Variants in USP25 observed in about 807,000 individuals in gnomAD.
USP25 encodes ubiquitin carboxyl-terminal hydrolase 25.
A neutral mutation model predicts 158.5 loss-of-function variants in USP25; 85 were observed. The ratio of observed to expected loss-of-function variants is 0.54; its 90% CI spans 0.45 to 0.64. The LOEUF (loss-of-function observed/expected upper bound fraction) is 0.64. Among genes scored for constraint, USP25 ranks in the 30% least tolerant of loss-of-function variants. The pLI is 0.00. For missense variants in USP25, 1,242 were observed against 1,327.3 expected (o/e 0.94, Z 1.00); for synonymous variants, 464 against 460.4 (o/e 1.01, Z -0.10).
In USP25 at chr21:15,750,947, A is replaced by T. The variant is rs2032968768; in HGVS notation, c.46-11944A>T. 2.6e-5 allele frequency among the ~76,000 whole-genome samples: 4 copies of T among 152,124 alleles called. 1 individual carries two copies. In the South Asian group the frequency reaches 8.3e-4, roughly 32 times the overall value. On this transcript the variant is annotated intron_variant, in intron 1 of 25. Transcript: ENST00000400183. ...TTTTCTCTTAAAACTGTAGAATTATATTATTAATACACTGTTAGTATACAG... is the reference window on the plus strand; with the variant it reads ...TTTTCTCTTAAAACTGTAGAATTATTTTATTAATACACTGTTAGTATACAG...
chr21:15,747,487 T>G (rs1478508406), intron 1 of USP25, among the ~76,000 whole-genome samples: 1 of 151,874 alleles, frequency 6.6e-6, no homozygotes, highest in East Asian at 1.9e-4. Context: ...TACATATAGT[T>G]TTTTTCCTAT....
At chr21:15,752,257 C>G (rs2033074955) in intron 1 of USP25, among the ~76,000 whole-genome samples, 2 of 150,588 alleles carry the variant, frequency 1.3e-5, no homozygotes, top group South Asian at 4.2e-4. Context: ...TCGCTGTTGC[C>G]CAGGCTGGAG....
chr21:15,877,520 C>G (rs1432008752), intron 24 of USP25: 1 of 228,560 alleles, frequency 4.4e-6, no homozygotes, highest in Non-Finnish European at 8.4e-6. Flanking sequence ...AAAATGGCCC[C>G]TGTGTTGATG....
At chr21:15,763,005 T>C in intron 2 of USP25, 37 bp downstream of exon 2, 1 of 1,571,366 alleles carries the variant, frequency 6.4e-7, no homozygotes, top group Non-Finnish European at 8.6e-7. Flanking sequence ...GTTTGTGGTA[T>C]ATGCTCATCT....
At chr21:15,793,303 A>C (rs879828947) in intron 5 of USP25, among the ~76,000 whole-genome samples, 4 of 151,144 alleles carry the variant, frequency 2.6e-5, no homozygotes, top group Non-Finnish European at 5.9e-5. Context: ...TTCTGTTTGA[A>C]ATGATAAATG....
rs1474642744 is a variant in USP25 at position 15,879,339 on chromosome 21, TACAC to T, written c.*868_*871del. ...ATTTATATATACACATATATACACA[TACAC>T]ACATGTATATATATATTCTTCATAA... On this transcript the variant is annotated 3_prime_UTR_variant, in exon 26 of 26. Transcript: ENST00000400183. 6.6e-6 allele frequency: 1 copy of T among 152,378 alleles called. No homozygotes were observed. The highest frequency in any genetic ancestry group is 2.4e-5 in the African/African-American group (1 of 41,356). The allele number at this position is 152,378 out of a possible 1,614,324, so 9.4% of individuals were successfully genotyped here. A position where few individuals can be genotyped will look rare whatever the true frequency, so the allele number is the denominator to read the frequency against.
chr21:15,736,986 T>A (rs139628483), intron 1 of USP25, among the ~76,000 whole-genome samples: 9 of 152,222 alleles, frequency 5.9e-5, no homozygotes, highest in African/African-American at 2.2e-4. Flanking sequence ...TTTTAAGAGT[T>A]CAGAAATTTC....
chr21:15,862,984 G>A (rs2039497669), intron 20 of USP25, among the ~76,000 whole-genome samples: 1 of 151,714 alleles, frequency 6.6e-6, no homozygotes, highest in African/African-American at 2.4e-5. Flanking sequence ...CTTAAGAAAG[G>A]CATGCATTTT....
intron 20 of USP25, among the ~76,000 whole-genome samples, chr21:15,859,360 G>C (rs766005203): frequency 6.6e-6 from 1 of 151,396 alleles, no homozygotes; most frequent in Non-Finnish European, 1.5e-5. Flanking sequence ...GCCTGGCTAA[G>C]TTTTTTTTGT....
At chr21:15,787,071 A>G (rs2035317877) in intron 4 of USP25, among the ~76,000 whole-genome samples, 1 of 152,160 alleles carries the variant, frequency 6.6e-6, no homozygotes, top group Non-Finnish European at 1.5e-5. Context: ...AAAGATCTCT[A>G]CACTGAAAGC....
At chr21:15,821,526 TAGA>T (rs923109880) in intron 10 of USP25, among the ~76,000 whole-genome samples, 4 of 151,898 alleles carry the variant, frequency 2.6e-5, no homozygotes, top group African/African-American at 9.7e-5. Flanking sequence ...AATAAAGTGC[TAGA>T]AGGAGTTTTT....
intron 9 of USP25, among the ~76,000 whole-genome samples, chr21:15,811,972 A>G (rs767041267): frequency 6.6e-6 from 1 of 152,136 alleles, no homozygotes; most frequent in African/African-American, 2.4e-5. Context: ...GGATTCCCTG[A>G]AGTTCTGTTT....
chr21:15,866,274 A>G lies in USP25; in HGVS notation c.2735A>G (p.Asn912Ser), dbSNP rs1310117880. ...RNLSFDERCH[N>S]IMKVAQAKLE... ...ATGTGTTTTTTTTTAAGGTGTCACA[A>G]CATAATGAAAGTTGCTCAAGCCAAA... Residue 912 changes from asparagine to serine, a missense_variant, in exon 22 of 26, where the codon AAC (asparagine) becomes AGC (serine). This residue lies in a region of USP25 where 608 missense variants were observed against 605.2 expected (regional missense o/e 1.00). Transcript: ENST00000400183. 2 of 1,603,776 alleles carry G rather than the reference A, an allele frequency of 1.2e-6. No individual in the cohort carries two copies. Among genetic ancestry groups the G allele is most frequent in the East Asian group, 2.3e-5 (1 of 44,262 alleles).
chr21:15,849,917 T>C, intron 20 of USP25, 45 bp downstream of exon 20: 1 of 1,324,096 alleles, frequency 7.6e-7, no homozygotes, highest in South Asian at 1.4e-5. Context: ...TTTTCAAAAT[T>C]AAACTTCTTA....
At chr21:15,769,646 A>G (rs563994047) in intron 3 of USP25, among the ~76,000 whole-genome samples, 10 of 152,256 alleles carry the variant, frequency 6.6e-5, no homozygotes, top group African/African-American at 2.4e-4. Context: ...CAGAGGAGAG[A>G]TTCTGCCAAG....
chr21:15,839,681 CTT>C (rs1430076486), intron 17 of USP25, among the ~76,000 whole-genome samples: 1 of 152,000 alleles, frequency 6.6e-6, no homozygotes, highest in African/African-American at 2.4e-5. Context: ...GACAAAACCT[CTT>C]TTTTTGTCTT....
intron 11 of USP25, 22 bp downstream of exon 11, chr21:15,824,188 G>C: frequency 6.2e-7 from 1 of 1,607,226 alleles, no homozygotes; most frequent in Non-Finnish European, 8.5e-7. Flanking sequence ...TATACTGCAT[G>C]ACTTAGTTTG....
chr21:15,833,687 A>G, intron 17 of USP25, 139 bp downstream of exon 17: 2 of 775,488 alleles, frequency 2.6e-6, no homozygotes, highest in Non-Finnish European at 4.1e-6. Context: ...CACTCAGATT[A>G]TCACAGTTAA....
intron 5 of USP25, among the ~76,000 whole-genome samples, chr21:15,793,921 T>A (rs563101322): frequency 6.6e-6 from 1 of 151,872 alleles, no homozygotes; most frequent in Non-Finnish European, 1.5e-5. Context: ...TGAGATATAA[T>A]ACTTGGCCAT....
Sources: gnomAD v4.1 joint callset for allele counts (sites outside exome capture counted in the v4.1 genomes callset) on GRCh38, gnomAD v4.1.1 for gene constraint, gnomAD v4.1.1 regional missense constraint, MANE v1.5 for transcripts, NCBI Gene and HGNC (gene_info 2026-07-23, HGNC 2026-07-21) for gene names.